The following SCHIP1 variants were observed in gnomAD, a reference collection of about 807,000 sequenced individuals.
SCHIP1 encodes the protein schwannomin-interacting protein 1.
Under a neutral mutation model 29.7 loss-of-function variants are expected in SCHIP1, and 8 were observed. The observed-to-expected ratio is 0.27, with a 90% confidence interval of 0.16 to 0.49. SCHIP1 has a LOEUF of 0.49. SCHIP1 is among the 20% of genes least tolerant of loss of function. SCHIP1 has a pLI of 0.99. For synonymous variants in SCHIP1, 76 were observed against 94.9 expected (o/e 0.80, Z 1.16); for missense variants, 193 against 294.6 (o/e 0.66, Z 2.52).
the SCHIP1 span, among the ~76,000 whole-genome samples, chr3:159,815,143 T>C: frequency 2.6e-5 from 4 of 152,206 alleles, no homozygotes; most frequent in South Asian, 6.2e-4. Context: ...CATCCCATAA[T>C]GGACAGTTAA....
the SCHIP1 span, among the ~76,000 whole-genome samples, chr3:159,746,919 G>C: frequency 2.6e-5 from 4 of 152,138 alleles, no homozygotes; most frequent in African/African-American, 9.7e-5. Context: ...CTTTGGGAAG[G>C]CTTCTTTGAG....
At chr3:159,585,218 A>G in the SCHIP1 span, among the ~76,000 whole-genome samples, 1 of 152,070 alleles carries the variant, frequency 6.6e-6, no homozygotes, top group Non-Finnish European at 1.5e-5. Flanking sequence ...TAACTCCACA[A>G]GGGCAACAAT....
At chr3:159,339,607 G>C in the SCHIP1 span, among the ~76,000 whole-genome samples, 1 of 152,192 alleles carries the variant, frequency 6.6e-6, no homozygotes, top group Non-Finnish European at 1.5e-5. Flanking sequence ...TTGGGTAATA[G>C]TTTGATAGAT....
the SCHIP1 span, among the ~76,000 whole-genome samples, chr3:159,334,905 T>A: frequency 1.3e-5 from 2 of 151,858 alleles, no homozygotes; most frequent in African/African-American, 4.8e-5. Flanking sequence ...TTCTTCTTTT[T>A]TTTTTTTAAT....
At chr3:159,738,437 G>A in the SCHIP1 span, among the ~76,000 whole-genome samples, 1 of 152,118 alleles carries the variant, frequency 6.6e-6, no homozygotes, top group African/African-American at 2.4e-5. Context: ...TTAGTAAGAA[G>A]GTAATGACAT....
chr3:159,376,046 C>T, the SCHIP1 span, among the ~76,000 whole-genome samples: 1 of 152,028 alleles, frequency 6.6e-6, no homozygotes, highest in African/African-American at 2.4e-5. Flanking sequence ...TAAAACTATT[C>T]AAACAGAGGA....
the SCHIP1 span, among the ~76,000 whole-genome samples, chr3:159,464,948 G>T: frequency 6.6e-6 from 1 of 152,106 alleles, no homozygotes. Context: ...TGATATAAGG[G>T]TCTGGATCTC....
At chr3:159,509,008 A>G in the SCHIP1 span, among the ~76,000 whole-genome samples, 3 of 152,142 alleles carry the variant, frequency 2.0e-5, no homozygotes, top group African/African-American at 7.2e-5. Flanking sequence ...GCTGAGTTCA[A>G]TTCCTGGATA....
chr3:159,380,481 GATTA>G, the SCHIP1 span, among the ~76,000 whole-genome samples: 3 of 152,096 alleles, frequency 2.0e-5, no homozygotes, highest in South Asian at 4.1e-4. Context: ...TAAAAAATAA[GATTA>G]ATTCTGCTTT....
the SCHIP1 span, among the ~76,000 whole-genome samples, chr3:159,502,881 GC>G: frequency 6.6e-6 from 1 of 152,194 alleles, no homozygotes; most frequent in African/African-American, 2.4e-5. Context: ...GGGCCAACTG[GC>G]CCCTGCAGGA....
At chr3:159,396,311 T>G in the SCHIP1 span, among the ~76,000 whole-genome samples, 5,544 of 150,302 alleles carry the variant, frequency 0.037, 143 homozygotes, top group East Asian at 0.11. Flanking sequence ...GAGCATTTAG[T>G]CCATTTACAT....
intron 6 of SCHIP1, chr3:159,892,520 C>G: frequency 1.9e-6 from 1 of 518,966 alleles, no homozygotes; most frequent in Non-Finnish European, 3.4e-6. Flanking sequence ...CCATGTCATG[C>G]TGGCATGTTT....
At chr3:159,531,563 A>G in the SCHIP1 span, among the ~76,000 whole-genome samples, 2 of 152,228 alleles carry the variant, frequency 1.3e-5, no homozygotes, top group Admixed American at 6.5e-5. Flanking sequence ...GTACCTACAA[A>G]AACTGATGGG....
the SCHIP1 span, among the ~76,000 whole-genome samples, chr3:159,454,143 T>C: frequency 6.6e-6 from 1 of 152,218 alleles, no homozygotes; most frequent in Non-Finnish European, 1.5e-5. Flanking sequence ...TGTCTGGACA[T>C]TGGAATCACA....
intron 1 of SCHIP1, among the ~76,000 whole-genome samples, chr3:159,862,554 C>A (rs937573658): frequency 4.6e-5 from 7 of 152,188 alleles, no homozygotes; most frequent in African/African-American, 1.7e-4. Flanking sequence ...GTTTTCCAAG[C>A]ACAAAAGCCA....
chr3:159,555,960 T>C, the SCHIP1 span, among the ~76,000 whole-genome samples: 1 of 152,064 alleles, frequency 6.6e-6, no homozygotes, highest in Non-Finnish European at 1.5e-5. Context: ...GAGAAATACC[T>C]AATGTAGATG....
At chr3:159,370,937 C>T in the SCHIP1 span, among the ~76,000 whole-genome samples, 1 of 152,140 alleles carries the variant, frequency 6.6e-6, no homozygotes, top group South Asian at 2.1e-4. Context: ...TTGCAGATGG[C>T]ATATGGAAGG....
chr3:159,735,990 G>A, the SCHIP1 span, among the ~76,000 whole-genome samples: 1 of 150,882 alleles, frequency 6.6e-6, no homozygotes, highest in South Asian at 2.1e-4. Flanking sequence ...ACGTGGTTCA[G>A]GGAAAGCATG....
At chr3:159,569,718 G>T in the SCHIP1 span, among the ~76,000 whole-genome samples, 19 of 152,128 alleles carry the variant, frequency 1.2e-4, no homozygotes, top group Non-Finnish European at 8.8e-5. Context: ...GGCAATTCTT[G>T]TTCTAGATCC....
Sources: allele counts gnomAD v4.1 joint callset (sites outside exome capture counted in the v4.1 genomes callset), GRCh38; gene constraint gnomAD v4.1.1; transcripts MANE v1.5; gene names NCBI Gene and HGNC (gene_info 2026-07-23, HGNC 2026-07-21).